The following TBC1D24 variants were observed in gnomAD, a reference collection of about 807,000 sequenced individuals.
TBC1D24 encodes the protein TBC1 domain family member 24, also known as Infantile myoclonic epilepsy.
In TBC1D24, 47 loss-of-function variants were observed where a neutral mutation model predicts 50.7. That is an observed-to-expected ratio of 0.93 (90% CI 0.73 to 1.18). The LOEUF is 1.18. TBC1D24 is among the 50% of genes most tolerant of loss of function. The probability of loss-of-function intolerance (pLI) is 0.00; values close to 1 mark genes in which losing one functional copy is unlikely to be tolerated. For synonymous variants in TBC1D24, 324 were observed against 335.2 expected (o/e 0.97, Z 0.36); for missense variants, 688 against 766.5 (o/e 0.90, Z 1.21).
intron 3 of TBC1D24, 140 bp from the exon 4 acceptor site, chr16:2,498,098 G>A: frequency 2.6e-6 from 3 of 1,134,604 alleles, no homozygotes; most frequent in Non-Finnish European, 3.8e-6. Flanking sequence ...CCTAGAACCC[G>A]GCCCTAAACC....
intron 1 of TBC1D24, among the ~76,000 whole-genome samples, chr16:2,476,089 G>A (rs1328643029): frequency 6.6e-6 from 1 of 152,288 alleles, no homozygotes; most frequent in South Asian, 2.1e-4. Flanking sequence ...TTCCAGTGCC[G>A]ATAGAAGCAC....
chr16:2,493,261 C>T (rs1037647000), intron 1 of TBC1D24, among the ~76,000 whole-genome samples: 1 of 151,814 alleles, frequency 6.6e-6, no homozygotes, highest in African/African-American at 2.4e-5. Flanking sequence ...GCCTCAGCCT[C>T]CCGAGTAGCT....
chr16:2,485,981 C>T lies in TBC1D24; in HGVS notation c.-115-10053C>T, dbSNP rs1303838766. 1.3e-5 allele frequency among the ~76,000 whole-genome samples: 2 copies of T among 152,194 alleles called. No homozygotes were observed. Among genetic ancestry groups the T allele is most frequent in the East Asian group, 3.8e-4 (2 of 5,196 alleles). On this transcript the variant is annotated intron_variant, in intron 1 of 7. Transcript: ENST00000646147. This position sits in a 1 kb window ranked among gnomAD's most constrained non-coding sequence, Gnocchi z 4.6. ...AGCTTCCCTGGCAGGCAACAAAGCT[C>T]TCATCCCTGGATCTTGCGGATCTCG...
intron 3 of TBC1D24, 114 bp downstream of exon 3, chr16:2,497,841 G>A (rs373479362): frequency 1.9e-5 from 21 of 1,104,226 alleles, no homozygotes; most frequent in South Asian, 5.3e-5. Context: ...CTTCAGCAGC[G>A]CTGCCTCTGA....
intron 1 of TBC1D24, among the ~76,000 whole-genome samples, chr16:2,489,938 G>A (rs893147851): frequency 2.6e-5 from 4 of 152,220 alleles, no homozygotes; most frequent in Non-Finnish European, 4.4e-5. Flanking sequence ...ATCCACGGGG[G>A]CTTGTGGGTG....
At position 2,496,473 on chromosome 16, in the gene TBC1D24, C is replaced by T. The variant is rs372337277; in HGVS notation, c.325C>T (p.Arg109Cys). ...GGTGCCCAGCTACTGCCTGAATGCA[C>T]GCGGCGAGGGGGCCGTGCGCAAGAT... is the stretch of plus-strand genomic sequence containing the variant. The part of the protein sequence containing the change: ...TQVPSYCLNA[R>C]GEGAVRKILL... The change falls in exon 2 of 8, where the codon CGC (arginine) becomes TGC (cysteine). Residue 109 changes from arginine to cysteine, a missense_variant. Arg to Cys is a radical substitution (Grantham distance 180). Transcript: ENST00000646147. The T allele has an allele frequency of 3.4e-5, 54 of 1,611,300 alleles. 1 individual carries two copies. Among genetic ancestry groups the T allele is most frequent in the African/African-American group, 5.3e-5 (4 of 75,062 alleles).
chr16:2,480,589 A>G (rs544133235), intron 1 of TBC1D24: 2 of 151,902 alleles, frequency 1.3e-5, no homozygotes, highest in South Asian at 2.1e-4. Flanking sequence ...CTGGTGGGCC[A>G]TTCGGTTTCC....
intron 2 of TBC1D24, among the ~76,000 whole-genome samples, chr16:2,497,408 A>T (rs1387472548): frequency 2.6e-5 from 4 of 152,194 alleles, no homozygotes; most frequent in Non-Finnish European, 4.4e-5. Flanking sequence ...GGGTCATTTC[A>T]GGGCAGCCTC....
At chr16:2,489,414 A>G (rs1043245070) in intron 1 of TBC1D24, among the ~76,000 whole-genome samples, 33 of 152,222 alleles carry the variant, frequency 2.2e-4, no homozygotes, top group African/African-American at 8.0e-4. Context: ...CTTGGGCGAC[A>G]GAGCCAGACT....
chr16:2,487,343 C>T lies in TBC1D24; in HGVS notation c.-115-8691C>T, dbSNP rs1226058449. ...GTCTGTCATGTGACTAACTGCAGGACGAGGGAGCCGCGGTCGTATGCTGCC... is the reference window on the plus strand; with the variant it reads ...GTCTGTCATGTGACTAACTGCAGGATGAGGGAGCCGCGGTCGTATGCTGCC... On this transcript the variant is annotated intron_variant, in intron 1 of 7. Transcript: ENST00000646147. This position sits in a 1 kb window ranked among gnomAD's most constrained non-coding sequence, Gnocchi z 4.1. Among the ~76,000 whole-genome samples the T allele has an allele frequency of 1.3e-5, 2 of 152,208 alleles. No individual in the cohort carries two copies. The highest frequency in any genetic ancestry group is 1.9e-4 in the East Asian group (1 of 5,192).
At chr16:2,493,280 A>G (rs555897944) in intron 1 of TBC1D24, among the ~76,000 whole-genome samples, 111 of 151,592 alleles carry the variant, frequency 7.3e-4, no homozygotes, top group Non-Finnish European at 2.4e-4. Context: ...CTGGTACTAC[A>G]GGCTCCCGCA....
chr16:2,476,126 T>C (rs956415353), intron 1 of TBC1D24, among the ~76,000 whole-genome samples: 2 of 152,230 alleles, frequency 1.3e-5, no homozygotes, highest in African/African-American at 2.4e-5. Context: ...CCTGTTTTGC[T>C]GTGTTTGCTC....
chr16:2,495,944 AAAG>A (rs1352597897), intron 1 of TBC1D24, 87 bp from the exon 2 acceptor site: 2 of 672,754 alleles, frequency 3.0e-6, no homozygotes, highest in Non-Finnish European at 2.4e-6. Context: ...TCTCAAAAGA[AAAG>A]AAAACTACAC....
chr16:2,489,663 T>G (rs2065680377), intron 1 of TBC1D24, among the ~76,000 whole-genome samples: 1 of 152,104 alleles, frequency 6.6e-6, no homozygotes, highest in East Asian at 1.9e-4. Context: ...GTGAGAGAGC[T>G]GCCCCTGGCC....
At chr16:2,489,864 A>G (rs1160932341) in intron 1 of TBC1D24, among the ~76,000 whole-genome samples, 1 of 152,164 alleles carries the variant, frequency 6.6e-6, no homozygotes, top group African/African-American at 2.4e-5. Context: ...GGCTCAGTAA[A>G]TCCCGCAACA....
At chr16:2,479,293 T>C (rs2065592371) in intron 1 of TBC1D24, 1 of 152,188 alleles carries the variant, frequency 6.6e-6, no homozygotes. Flanking sequence ...CTATTTGCCT[T>C]TTGGGGAACC....
Position 2,500,692 on chromosome 16 carries a change from T to C in TBC1D24, c.1526-112T>C. The C allele has an allele frequency of 3.5e-6, 5 of 1,438,814 alleles. No homozygotes were observed. Among genetic ancestry groups the C allele is most frequent in the Non-Finnish European group, 3.7e-6 (4 of 1,076,200 alleles). The allele number at this position is 1,438,814 out of a possible 1,614,324, so 89.1% of individuals were successfully genotyped here. ...TGGGGGCTATGGAGGGTCAACGGTC[T>C]GTGCGGTTTCAGAGAGGCCCGTGCA... On this transcript the variant is annotated intron_variant, in intron 7 of 7. Coordinates refer to ENST00000646147, the MANE Select transcript of TBC1D24 (RefSeq NM_001199107.2). The surrounding 1 kb of genome is among the most constrained non-coding windows in gnomAD (Gnocchi z 8.0).
chr16:2,498,300 A>G lies in TBC1D24; in HGVS notation c.1046A>G (p.Glu349Gly), dbSNP rs772317879. The G allele has an allele frequency of 1.2e-6, 2 of 1,611,712 alleles. No homozygotes were observed. The highest frequency in any genetic ancestry group is 1.1e-5 in the South Asian group (1 of 90,424). ...CGCTCGGAGATCGTCAGCGTGAGGGAGATGAGAGACATCTGGTCCTGGGTC... is the reference window on the plus strand; with the variant it reads ...CGCTCGGAGATCGTCAGCGTGAGGGGGATGAGAGACATCTGGTCCTGGGTC... ...NFRSEIVSVR[E>G]MRDIWSWVPE... The change falls in exon 4 of 8, where the codon GAG becomes GGG. Residue 349 changes from glutamate (E) to glycine (G), a missense_variant. Transcript: ENST00000646147.
In TBC1D24 at chr16:2,485,792, T is replaced by G. The variant is rs1185767380; in HGVS notation, c.-115-10242T>G. Among the ~76,000 whole-genome samples the G allele has an allele frequency of 6.6e-6, 1 of 152,206 alleles. No homozygotes were observed. The highest frequency in any genetic ancestry group is 1.5e-5 in the Non-Finnish European group (1 of 68,026). The stretch of plus-strand genomic sequence containing the variant: ...CCCGCATCTTCTGGGTCGCAGATCC[T>G]GTGCCGATTGCGGTGCTGGCGTCAG... On this transcript the variant is annotated intron_variant, in intron 1 of 7. Transcript: ENST00000646147. This position sits in a 1 kb window ranked among gnomAD's most constrained non-coding sequence, Gnocchi z 4.6.
Sources: gnomAD v4.1 joint callset for allele counts (sites outside exome capture counted in the v4.1 genomes callset) on GRCh38, gnomAD v4.1.1 for gene constraint, Gnocchi (gnomAD v3.1) non-coding constraint, MANE v1.5 for transcripts, NCBI Gene and HGNC (gene_info 2026-07-23, HGNC 2026-07-21) for gene names.